Variants in USP28 observed in about 807,000 individuals in gnomAD.
USP28 encodes ubiquitin carboxyl-terminal hydrolase 28.
A neutral mutation model predicts 145.0 loss-of-function variants in USP28; 113 were observed. The ratio of observed to expected loss-of-function variants is 0.78; its 90% CI spans 0.67 to 0.91. The LOEUF (loss-of-function observed/expected upper bound fraction) is 0.91, where lower values mean the gene tolerates loss of function less well. USP28 is among the 40% of genes least tolerant of loss of function. The pLI is 0.00. For missense variants in USP28, 1,201 were observed against 1,289.6 expected (o/e 0.93, Z 1.05); for synonymous variants, 447 against 450.9 (o/e 0.99, Z 0.11).
At chr11:113,856,675 A>C (rs1026054398) in intron 1 of USP28, among the ~76,000 whole-genome samples, 2 of 152,144 alleles carry the variant, frequency 1.3e-5, no homozygotes, top group African/African-American at 4.8e-5. Context: ...ATGCAAAAAA[A>C]CGCAAATATC....
chr11:113,852,711 C>A, intron 2 of USP28, 78 bp from the exon 3 acceptor site: 1 of 1,497,324 alleles, frequency 6.7e-7, no homozygotes, highest in African/African-American at 1.4e-5. Context: ...AACTTTATTA[C>A]CCTGGTGACA....
intron 12 of USP28, chr11:113,822,323 C>T (rs1942727652): frequency 6.6e-6 from 1 of 152,566 alleles, no homozygotes; most frequent in East Asian, 1.9e-4. Context: ...GTGGCACATG[C>T]CTGTAATCCC....
chr11:113,810,670 A>G (rs1940825906), intron 16 of USP28, among the ~76,000 whole-genome samples: 1 of 152,144 alleles, frequency 6.6e-6, no homozygotes, highest in African/African-American at 2.4e-5. Context: ...CCTGGACAGA[A>G]CACCTTACAT....
chr11:113,802,699 A>G (rs978688674), intron 23 of USP28, among the ~76,000 whole-genome samples: 1 of 152,196 alleles, frequency 6.6e-6, no homozygotes, highest in African/African-American at 2.4e-5. Flanking sequence ...CTTTATTTTA[A>G]AAAAATGGAG....
chr11:113,799,736 T>C (rs1199150884), intron 24 of USP28, among the ~76,000 whole-genome samples: 1 of 152,244 alleles, frequency 6.6e-6, no homozygotes, highest in East Asian at 1.9e-4. Flanking sequence ...ATGTTTACAA[T>C]ATATCAGTGT....
At chr11:113,816,859 C>T (rs527986125) in intron 13 of USP28, among the ~76,000 whole-genome samples, 6 of 152,250 alleles carry the variant, frequency 3.9e-5, no homozygotes, top group African/African-American at 1.4e-4. Context: ...CAGCCCCACT[C>T]CTATCCCCAG....
rs372006992 is a variant in USP28 at position 113,827,223 on chromosome 11, A to T, written c.1187+10T>A. 7 of 1,593,266 alleles carry T rather than the reference A, an allele frequency of 4.4e-6. No individual in the cohort carries two copies. Among genetic ancestry groups the T allele is most frequent in the Non-Finnish European group, 6.0e-6 (7 of 1,174,318 alleles). On this transcript the variant is annotated intron_variant, in intron 11 of 24. Transcript: ENST00000003302. Reference sequence around the variant, plus strand: ...ACCTCAGGAAAAAAAAAAATCAGCCAAGAACTCACCTGTCCATATAAATAA... The same window carrying T: ...ACCTCAGGAAAAAAAAAAATCAGCCTAGAACTCACCTGTCCATATAAATAA...
intron 1 of USP28, among the ~76,000 whole-genome samples, chr11:113,855,480 G>A (rs1038335337): frequency 6.6e-6 from 1 of 152,212 alleles, no homozygotes; most frequent in African/African-American, 2.4e-5. Context: ...CTTAAATTAA[G>A]TTAGTAGTAT....
exon 17 of USP28, chr11:113,809,186 T>C: frequency 6.2e-7 from 1 of 1,614,214 alleles, no homozygotes; most frequent in Non-Finnish European, 8.5e-7. Flanking sequence ...TCCTCCTGAA[T>C]GTAATGCTTG....
At chr11:113,813,989 A>T (rs1423958560) in intron 14 of USP28, 34 bp from the exon 15 acceptor site, 1 of 1,507,852 alleles carries the variant, frequency 6.6e-7, no homozygotes, top group Non-Finnish European at 9.1e-7. Context: ...AGCTTCACTA[A>T]AATGATCTCA....
At chr11:113,860,374 TA>T (rs1435326876) in intron 1 of USP28, among the ~76,000 whole-genome samples, 1 of 141,486 alleles carries the variant, frequency 7.1e-6, no homozygotes, top group African/African-American at 2.7e-5. Context: ...GTGTGCCTAA[TA>T]AAATTCCTTC....
intron 2 of USP28, 149 bp downstream of exon 2, chr11:113,854,109 G>A: frequency 1.5e-6 from 1 of 663,420 alleles, no homozygotes; most frequent in Non-Finnish European, 2.5e-6. Flanking sequence ...TAATTTACAT[G>A]TTGAAGACAT....
intron 16 of USP28, among the ~76,000 whole-genome samples, chr11:113,810,830 A>G (rs1233085897): frequency 1.3e-5 from 2 of 152,214 alleles, no homozygotes; most frequent in Non-Finnish European, 2.9e-5. Flanking sequence ...GTGTGCCACC[A>G]TGCCCAGCTA....
intron 1 of USP28, among the ~76,000 whole-genome samples, chr11:113,857,896 T>C (rs527947025): frequency 6.6e-6 from 1 of 152,280 alleles, no homozygotes; most frequent in African/African-American, 2.4e-5. Flanking sequence ...GGTCTCGCTC[T>C]GTGGCCCAGA....
chr11:113,835,423 A>C, intron 5 of USP28: 1 of 450,992 alleles, frequency 2.2e-6, no homozygotes, highest in Non-Finnish European at 4.4e-6. Flanking sequence ...ATGTCAACCA[A>C]AGAATCCAAG....
chr11:113,833,316 T>TG, intron 7 of USP28, 104 bp downstream of exon 7: 1 of 1,464,478 alleles, frequency 6.8e-7, no homozygotes, highest in Middle Eastern at 1.8e-4. Context: ...TCCATAGTCC[T>TG]GCTTAGTCAT....
At chr11:113,827,987 G>A (rs1047618362) in intron 10 of USP28, among the ~76,000 whole-genome samples, 3 of 152,092 alleles carry the variant, frequency 2.0e-5, no homozygotes, top group Non-Finnish European at 4.4e-5. Context: ...ATCAACCTAC[G>A]ATGTTACTTG....
At chr11:113,816,785 A>G (rs963061951) in intron 13 of USP28, among the ~76,000 whole-genome samples, 1 of 152,164 alleles carries the variant, frequency 6.6e-6, no homozygotes, top group Non-Finnish European at 1.5e-5. Flanking sequence ...TTCATAATAT[A>G]CATAAAAAGA....
At chr11:113,819,294 G>A (rs1429634374) in intron 12 of USP28, among the ~76,000 whole-genome samples, 1 of 151,820 alleles carries the variant, frequency 6.6e-6, no homozygotes, top group Non-Finnish European at 1.5e-5. Flanking sequence ...TATATTTTTA[G>A]TAGAGATGGG....
Sources: gnomAD v4.1 joint callset for allele counts (sites outside exome capture counted in the v4.1 genomes callset) on GRCh38, gnomAD v4.1.1 for gene constraint, MANE v1.5 for transcripts, NCBI Gene and HGNC (gene_info 2026-07-23, HGNC 2026-07-21) for gene names.